The following FNDC3B variants were observed in gnomAD, a reference collection of about 807,000 sequenced individuals.
The protein encoded by FNDC3B is fibronectin type III domain containing 3B.
Under a neutral mutation model 151.5 loss-of-function variants are expected in FNDC3B, and 12 were observed. That is an observed-to-expected ratio of 0.08 (90% CI 0.05 to 0.13). FNDC3B has a LOEUF of 0.13. Among genes scored for constraint, FNDC3B ranks in the 10% least tolerant of loss-of-function variants. The pLI is 1.00. For synonymous variants in FNDC3B, 528 were observed against 549.0 expected, an observed-to-expected ratio of 0.96 and a Z score of 0.54; for missense variants, 1,214 against 1,505.3, an observed-to-expected ratio of 0.81 and a Z score of 3.20.
At chr3:172,125,791 T>C (rs1248752532) in intron 2 of FNDC3B, among the ~76,000 whole-genome samples, 3 of 152,210 alleles carry the variant, frequency 2.0e-5, no homozygotes, top group Non-Finnish European at 4.4e-5. Context: ...TTTCCTGTTT[T>C]CTAAGGGGAA....
intron 2 of FNDC3B, among the ~76,000 whole-genome samples, chr3:172,113,222 A>G (rs569199446): frequency 1.3e-5 from 2 of 152,318 alleles, no homozygotes; most frequent in Admixed American, 6.5e-5. Flanking sequence ...TTTTATTGCA[A>G]CAGTTGGGCT....
At chr3:172,283,346 G>A (rs1729839442) in intron 6 of FNDC3B, among the ~76,000 whole-genome samples, 1 of 151,982 alleles carries the variant, frequency 6.6e-6, no homozygotes, top group African/African-American at 2.4e-5. Context: ...AAGGTGGGAG[G>A]GGGCGTTCCA....
At chr3:172,302,312 T>A (rs1329132510) in intron 9 of FNDC3B, 1 of 152,246 alleles carries the variant, frequency 6.6e-6, no homozygotes, top group Non-Finnish European at 1.5e-5. Flanking sequence ...TGCCTGGTAG[T>A]TGCCTTCAGT....
chr3:172,376,827 C>T (rs1412908641), intron 23 of FNDC3B, among the ~76,000 whole-genome samples: 1 of 144,420 alleles, frequency 6.9e-6, no homozygotes, highest in African/African-American at 2.6e-5. Flanking sequence ...TTAAAGTAAG[C>T]ATTGACTCTG....
chr3:172,316,503 T>A, intron 11 of FNDC3B: 1 of 436,056 alleles, frequency 2.3e-6, no homozygotes, highest in African/African-American at 2.0e-5. Flanking sequence ...GATCGTGATC[T>A]GGCCTTATTC....
intron 18 of FNDC3B, among the ~76,000 whole-genome samples, 154 bp from the exon 19 acceptor site, chr3:172,343,932 T>C (rs1444798671): frequency 1.3e-5 from 2 of 152,236 alleles, no homozygotes; most frequent in East Asian, 3.8e-4. Flanking sequence ...TTTATTTTTA[T>C]ATCTCTTTTT....
intron 3 of FNDC3B, among the ~76,000 whole-genome samples, chr3:172,175,188 T>C (rs1723520415): frequency 6.6e-6 from 1 of 152,060 alleles, no homozygotes; most frequent in African/African-American, 2.4e-5. Flanking sequence ...ATAGAGAAGC[T>C]AGTTGATGGC....
At chr3:172,191,549 T>C (rs1048662986) in intron 3 of FNDC3B, among the ~76,000 whole-genome samples, 6 of 152,094 alleles carry the variant, frequency 3.9e-5, no homozygotes, top group African/African-American at 1.4e-4. Flanking sequence ...CAGGCTGGAG[T>C]GCAGTGGTGT....
chr3:172,129,682 GTAACAC>G (rs1412455731), intron 2 of FNDC3B, among the ~76,000 whole-genome samples: 1 of 152,156 alleles, frequency 6.6e-6, no homozygotes, highest in Non-Finnish European at 1.5e-5. Context: ...CTTGGTTCAT[GTAACAC>G]TAACGGTTTT....
chr3:172,282,581 G>A (rs1283307409), intron 6 of FNDC3B, among the ~76,000 whole-genome samples: 1 of 152,082 alleles, frequency 6.6e-6, no homozygotes, highest in Admixed American at 6.5e-5. Context: ...CAGATAGGTG[G>A]CCTTTGCTCT....
chr3:172,056,158 A>G (rs1483893668), intron 1 of FNDC3B, among the ~76,000 whole-genome samples: 1 of 152,012 alleles, frequency 6.6e-6, no homozygotes, highest in African/African-American at 2.4e-5. Flanking sequence ...AGTCCAATAG[A>G]GGGAGGATTC....
chr3:172,313,676 C>T (rs1444580045), intron 11 of FNDC3B, among the ~76,000 whole-genome samples: 1 of 152,194 alleles, frequency 6.6e-6, no homozygotes, highest in Non-Finnish European at 1.5e-5. Flanking sequence ...ACAAATAAAA[C>T]ACGTTGCCAT....
chr3:172,338,846 C>T (rs951679018), intron 16 of FNDC3B, among the ~76,000 whole-genome samples: 7 of 152,172 alleles, frequency 4.6e-5, no homozygotes, highest in Admixed American at 1.3e-4. Context: ...ATGCCATTCT[C>T]CCGCCTCAGC....
intron 1 of FNDC3B, among the ~76,000 whole-genome samples, chr3:172,050,883 A>G (rs1192541888): frequency 6.6e-6 from 1 of 152,102 alleles, no homozygotes; most frequent in Non-Finnish European, 1.5e-5. Flanking sequence ...CTCTGGCGGT[A>G]GGATCATTAC....
At chr3:172,158,358 G>T (rs1054287197) in intron 3 of FNDC3B, among the ~76,000 whole-genome samples, 1 of 152,194 alleles carries the variant, frequency 6.6e-6, no homozygotes, top group Non-Finnish European at 1.5e-5. Flanking sequence ...CATTTGGTCT[G>T]ATGTTTTTAA....
At chr3:172,187,278 A>G (rs1369284139) in intron 3 of FNDC3B, 1 of 152,356 alleles carries the variant, frequency 6.6e-6, no homozygotes, top group Non-Finnish European at 1.5e-5. Flanking sequence ...ATAAATGGAA[A>G]TGTGTTAAGC....
intron 3 of FNDC3B, among the ~76,000 whole-genome samples, chr3:172,139,549 A>G (rs1281203689): frequency 6.6e-6 from 1 of 152,188 alleles, no homozygotes; most frequent in Middle Eastern, 3.2e-3. Context: ...TTGATTAAAA[A>G]TATTTGGGTG....
At chr3:172,318,460 C>T (rs1731923770) in intron 11 of FNDC3B, among the ~76,000 whole-genome samples, 1 of 152,222 alleles carries the variant, frequency 6.6e-6, no homozygotes. Flanking sequence ...CTGCTTAGCT[C>T]AAGTGTTGAA....
At chr3:172,355,450 C>A (rs760443092) in intron 22 of FNDC3B, among the ~76,000 whole-genome samples, 26 of 152,170 alleles carry the variant, frequency 1.7e-4, no homozygotes, top group Non-Finnish European at 3.7e-4. Context: ...GCATTAGCAT[C>A]ACCTGGGAAC....
Sources: gnomAD v4.1 joint callset for allele counts (sites outside exome capture counted in the v4.1 genomes callset) on GRCh38, gnomAD v4.1.1 for gene constraint, MANE v1.5 for transcripts, NCBI Gene and HGNC (gene_info 2026-07-23, HGNC 2026-07-21) for gene names.